The following EPHA6 variants were observed in gnomAD, a reference collection of about 807,000 sequenced individuals.
EPHA6 encodes EPH receptor A6, also known as ephrin type-A receptor 6.
A neutral mutation model predicts 112.0 loss-of-function variants in EPHA6; 50 were observed. That is an observed-to-expected ratio of 0.45 (90% confidence interval 0.36 to 0.56). EPHA6 has a LOEUF of 0.56. Ranked by LOEUF, EPHA6 falls within the 20% of genes least tolerant of loss-of-function variation. EPHA6 has a pLI of 0.00. For synonymous variants in EPHA6, 529 were observed against 490.7 expected, an observed-to-expected ratio of 1.08 and a Z score of -1.03; for missense variants, 1,280 against 1,417.4, an observed-to-expected ratio of 0.90 and a Z score of 1.56.
intron 14 of EPHA6, among the ~76,000 whole-genome samples, chr3:97,693,837 T>C (rs1402015663): frequency 6.6e-6 from 1 of 151,928 alleles, no homozygotes; most frequent in Non-Finnish European, 1.5e-5. Flanking sequence ...AAAAAAAGAC[T>C]ATTGTTTAGC....
At chr3:97,479,260 T>C (rs902606373) in intron 8 of EPHA6, 34 bp from the exon 9 acceptor site, 2 of 1,472,306 alleles carry the variant, frequency 1.4e-6, no homozygotes, top group African/African-American at 2.9e-5. Flanking sequence ...TCATACTTCT[T>C]AAAACAAGTT....
At chr3:97,327,009 T>C (rs886128806) in intron 5 of EPHA6, among the ~76,000 whole-genome samples, 3 of 152,048 alleles carry the variant, frequency 2.0e-5, no homozygotes, top group African/African-American at 7.2e-5. Flanking sequence ...GAGTTCAGTC[T>C]TACAAATACT....
chr3:97,507,625 T>C (rs1404068080), intron 10 of EPHA6, among the ~76,000 whole-genome samples: 2 of 152,126 alleles, frequency 1.3e-5, no homozygotes, highest in African/African-American at 2.4e-5. Flanking sequence ...TGAAATTTTC[T>C]TTTTTTGTTG....
intron 11 of EPHA6, among the ~76,000 whole-genome samples, chr3:97,586,966 G>A (rs1007785221): frequency 6.6e-6 from 1 of 152,186 alleles, no homozygotes; most frequent in Non-Finnish European, 1.5e-5. Flanking sequence ...GAAAGGGCAG[G>A]GTGTGGTGGC....
At chr3:97,009,424 GA>G (rs999960869) in intron 3 of EPHA6, among the ~76,000 whole-genome samples, 4 of 152,214 alleles carry the variant, frequency 2.6e-5, no homozygotes, top group African/African-American at 9.6e-5. Flanking sequence ...GGGCTGTGGG[GA>G]CAAGTCTTGG....
chr3:96,991,974 T>C (rs1419911099), intron 3 of EPHA6, among the ~76,000 whole-genome samples: 1 of 152,158 alleles, frequency 6.6e-6, no homozygotes, highest in Non-Finnish European at 1.5e-5. Context: ...GAATGTTTTC[T>C]GATTAGAGCC....
intron 2 of EPHA6, among the ~76,000 whole-genome samples, chr3:96,955,110 C>G (rs762091179): frequency 6.6e-6 from 1 of 152,088 alleles, no homozygotes; most frequent in Admixed American, 6.5e-5. Context: ...TAATATTTCA[C>G]TGAGCTTTAC....
chr3:97,168,434 A>T (rs190655362), intron 3 of EPHA6, among the ~76,000 whole-genome samples: 4 of 152,124 alleles, frequency 2.6e-5, no homozygotes, highest in Admixed American at 2.0e-4. Context: ...CTGTCTCATG[A>T]TAGAGTTCTC....
At chr3:97,587,546 A>T (rs1039733794) in intron 11 of EPHA6, among the ~76,000 whole-genome samples, 3 of 152,172 alleles carry the variant, frequency 2.0e-5, no homozygotes, top group African/African-American at 4.8e-5. Context: ...TCAATATTTG[A>T]TTTCACGTAA....
In EPHA6 at chr3:97,757,001, AAC is replaced by A. The variant is rs1321844673; in HGVS notation, c.*8302_*8303del. Among the ~76,000 whole-genome samples the A allele has an allele frequency of 3.3e-5, 5 of 152,026 alleles. No individual in the cohort carries two copies. The highest frequency in any genetic ancestry group is 2.1e-4 in the South Asian group (1 of 4,824). ...TTTGAATTTTGAAGGAATAATTTTT[AAC>A]AGTCTTTGTTTCTTAAAATGTTAAT... On this transcript the variant is annotated 3_prime_UTR_variant, in exon 18 of 18. Coordinates refer to ENST00000389672, the MANE Select transcript of EPHA6 (RefSeq NM_001080448.3).
chr3:97,632,919 T>C (rs1368651162), intron 13 of EPHA6, among the ~76,000 whole-genome samples: 1 of 152,088 alleles, frequency 6.6e-6, no homozygotes, highest in Non-Finnish European at 1.5e-5. Flanking sequence ...AAGTAATGTG[T>C]TGGCTTCAGG....
At chr3:97,139,537 A>G (rs537692683) in intron 3 of EPHA6, among the ~76,000 whole-genome samples, 2 of 152,266 alleles carry the variant, frequency 1.3e-5, no homozygotes, top group South Asian at 2.1e-4. Flanking sequence ...AAACCTACAA[A>G]TAACCAGCAT....
Position 97,310,439 on chromosome 3 carries a change from G to A in EPHA6, c.1606+66152G>A, listed in dbSNP as rs74589533. On this transcript the variant is annotated intron_variant, in intron 5 of 17. Transcript: ENST00000389672. ...AAGTATACCTGAGTCTCGAATAATG[G>A]GGAAGCTCAATGTAAGCATGATTGA... Among the ~76,000 whole-genome samples, 34 of 151,380 alleles carry A rather than the reference G, an allele frequency of 2.2e-4. 2 individuals are homozygous for A. In the East Asian group the frequency reaches 6.5e-3, roughly 29 times the overall value.
At chr3:97,615,460 C>T (rs1020553933) in intron 13 of EPHA6, among the ~76,000 whole-genome samples, 3 of 152,150 alleles carry the variant, frequency 2.0e-5, no homozygotes, top group African/African-American at 7.2e-5. Context: ...ATCCAGGGGG[C>T]AGAGCAGCAT....
intron 3 of EPHA6, among the ~76,000 whole-genome samples, chr3:97,071,587 A>G (rs1301595613): frequency 6.6e-6 from 1 of 152,046 alleles, no homozygotes; most frequent in South Asian, 2.1e-4. Flanking sequence ...CTTATTCACT[A>G]TCAGGAGAAT....
At chr3:97,193,481 T>C (rs975608415) in intron 3 of EPHA6, among the ~76,000 whole-genome samples, 6 of 152,120 alleles carry the variant, frequency 3.9e-5, no homozygotes, top group Admixed American at 3.3e-4. Flanking sequence ...TTTTTGTATG[T>C]TGACTATGTA....
chr3:97,135,412 A>C (rs889500659), intron 3 of EPHA6, among the ~76,000 whole-genome samples: 5 of 152,170 alleles, frequency 3.3e-5, no homozygotes, highest in East Asian at 1.9e-4. Context: ...AAACTGGAAA[A>C]CCATTTTCAC....
chr3:96,987,259 AT>A, intron 2 of EPHA6, 70 bp from the exon 3 acceptor site: 1 of 1,373,156 alleles, frequency 7.3e-7, no homozygotes. Context: ...AACAAAAAAA[AT>A]TGTAAGTAAT....
chr3:97,439,704 T>A (rs1274389403), intron 6 of EPHA6: 6 of 747,730 alleles, frequency 8.0e-6, no homozygotes, highest in Non-Finnish European at 9.8e-6. Flanking sequence ...TCAGTGAAGT[T>A]TCTCATCATG....
Sources: allele counts gnomAD v4.1 joint callset (sites outside exome capture counted in the v4.1 genomes callset), GRCh38; gene constraint gnomAD v4.1.1; transcripts MANE v1.5; gene names NCBI Gene and HGNC (gene_info 2026-07-23, HGNC 2026-07-21).